Variants in PTPRD observed in about 807,000 individuals in gnomAD.
The protein encoded by PTPRD is receptor-type tyrosine-protein phosphatase delta.
PTPRD carries 34 observed loss-of-function variants against 214.5 expected under a neutral mutation model. The ratio of observed to expected loss-of-function variants is 0.16; its 90% confidence interval spans 0.12 to 0.21. The LOEUF (loss-of-function observed/expected upper bound fraction) is 0.21. Among genes scored for constraint, PTPRD ranks in the 10% least tolerant of loss-of-function variants. The probability of loss-of-function intolerance (pLI) is 1.00; values close to 1 mark genes in which losing one functional copy is unlikely to be tolerated. For missense variants in PTPRD, 2,545 were observed against 2,398.7 expected (o/e 1.06, Z -1.27); for synonymous variants, 1,128 against 845.7 (o/e 1.33, Z -5.79).
At chr9:9,718,477 A>G (rs1291984450) in intron 7 of PTPRD, among the ~76,000 whole-genome samples, 1 of 152,114 alleles carries the variant, frequency 6.6e-6, no homozygotes, top group African/African-American at 2.4e-5. Context: ...CGCCCAACTA[A>G]ATAGTGAGGT....
chr9:8,511,924 G>A (rs2097690727), intron 21 of PTPRD, among the ~76,000 whole-genome samples: 1 of 152,006 alleles, frequency 6.6e-6, no homozygotes, highest in African/African-American at 2.4e-5. Context: ...GACAAGGGAT[G>A]AAAAAGACTA....
In PTPRD at chr9:8,639,688, T is replaced by G. The variant is rs560085270; in HGVS notation, c.65-2844A>C. ...GTTGGCAATTCTGACAATCTGCAAC[T>G]AGGCAATGGATGCTTGGGTAAGTGC... On this transcript the variant is annotated intron_variant, in intron 12 of 45. Coordinates refer to ENST00000381196, the MANE Select transcript of PTPRD (RefSeq NM_002839.4). Among the ~76,000 whole-genome samples the G allele has an allele frequency of 1.2e-3, 185 of 152,318 alleles. 2 individuals are homozygous for G. Among genetic ancestry groups the G allele is most frequent in the African/African-American group, 4.3e-3 (179 of 41,566 alleles).
At chr9:9,914,024 G>A (rs185397979) in intron 5 of PTPRD, among the ~76,000 whole-genome samples, 180 of 152,274 alleles carry the variant, frequency 1.2e-3, no homozygotes, top group African/African-American at 3.6e-3. Flanking sequence ...CTGTGATTCT[G>A]GTCCTGTACA....
intron 10 of PTPRD, among the ~76,000 whole-genome samples, chr9:9,042,619 CTT>C (rs869116004): frequency 4.2e-4 from 26 of 62,310 alleles, no homozygotes; most frequent in Middle Eastern, 0.01. Flanking sequence ...TTTTTCTTTT[CTT>C]TTTTTTTTTT....
chr9:8,442,515 T>C lies in PTPRD; in HGVS notation c.3989-5826A>G, dbSNP rs185231835. 1.7e-3 allele frequency among the ~76,000 whole-genome samples: 258 copies of C among 152,280 alleles called. 4 individuals carry two copies. Among genetic ancestry groups the C allele is most frequent in the African/African-American group, 5.9e-3 (246 of 41,552 alleles). On this transcript the variant is annotated intron_variant, in intron 34 of 45. Transcript: ENST00000381196. ...ACAGTCTCTTCATGATTTTCCTTAC[T>C]GATAAATTGTGATAAAGGCTGGAGA...
intron 4 of PTPRD, among the ~76,000 whole-genome samples, chr9:9,948,286 C>G (rs190029004): frequency 4.3e-4 from 65 of 152,116 alleles, no homozygotes; most frequent in African/African-American, 1.4e-3. Flanking sequence ...TTCACTGTAT[C>G]TCAATTTTTA....
intron 11 of PTPRD, among the ~76,000 whole-genome samples, chr9:8,743,457 C>A (rs920629370): frequency 6.6e-6 from 1 of 152,156 alleles, no homozygotes; most frequent in Non-Finnish European, 1.5e-5. Flanking sequence ...GAAAGAAATA[C>A]TCAGTTTCAA....
At chr9:9,260,569 T>A (rs147623503) in intron 9 of PTPRD, among the ~76,000 whole-genome samples, 1 of 151,960 alleles carries the variant, frequency 6.6e-6, no homozygotes, top group Non-Finnish European at 1.5e-5. Flanking sequence ...ATTTTCTCAT[T>A]TTCTAATTTG....
chr9:8,387,643 C>T (rs982178106), intron 37 of PTPRD, among the ~76,000 whole-genome samples: 10 of 152,142 alleles, frequency 6.6e-5, no homozygotes, highest in African/African-American at 1.2e-4. Flanking sequence ...TGGTGAAGCA[C>T]GTGTGTTCTG....
At chr9:9,422,717 T>TA in intron 8 of PTPRD, among the ~76,000 whole-genome samples, 1 of 152,130 alleles carries the variant, frequency 6.6e-6, no homozygotes, top group Admixed American at 6.6e-5. Context: ...TGTATATCTA[T>TA]TAAGATAGCT....
chr9:9,000,128 AGTT>A (rs1211777382), intron 11 of PTPRD, among the ~76,000 whole-genome samples: 3 of 152,056 alleles, frequency 2.0e-5, no homozygotes, highest in Non-Finnish European at 4.4e-5. Context: ...TGTCTAACAA[AGTT>A]GAAAGTATAG....
chr9:9,053,476 G>A (rs960926977), intron 10 of PTPRD, among the ~76,000 whole-genome samples: 1 of 152,054 alleles, frequency 6.6e-6, no homozygotes, highest in South Asian at 2.1e-4. Flanking sequence ...TTGAAGAGCT[G>A]ATGTATTTTG....
chr9:10,277,651 T>C (rs1182532379), intron 3 of PTPRD, among the ~76,000 whole-genome samples: 1 of 152,236 alleles, frequency 6.6e-6, no homozygotes, highest in Non-Finnish European at 1.5e-5. Flanking sequence ...TAACTACTGC[T>C]ATCTGAGTTC....
intron 8 of PTPRD, among the ~76,000 whole-genome samples, chr9:9,562,345 G>A (rs1291361029): frequency 6.6e-6 from 1 of 152,060 alleles, no homozygotes; most frequent in Non-Finnish European, 1.5e-5. Flanking sequence ...TCTGGATGAA[G>A]CCCCTATTAT....
intron 11 of PTPRD, among the ~76,000 whole-genome samples, chr9:9,012,777 A>G (rs1367020409): frequency 6.6e-6 from 1 of 152,140 alleles, no homozygotes; most frequent in Non-Finnish European, 1.5e-5. Flanking sequence ...CTGCCATATG[A>G]GGGTGTATAT....
At chr9:8,438,886 T>C (rs969017347) in intron 34 of PTPRD, 5 of 152,030 alleles carry the variant, frequency 3.3e-5, no homozygotes, top group African/African-American at 7.2e-5. Context: ...AAGACCATAA[T>C]AATAACCAAA....
intron 11 of PTPRD, among the ~76,000 whole-genome samples, chr9:8,815,908 G>C (rs1421884368): frequency 6.6e-6 from 1 of 152,186 alleles, no homozygotes; most frequent in Non-Finnish European, 1.5e-5. Context: ...CCATTAGCCT[G>C]CTTTAACCAC....
intron 10 of PTPRD, among the ~76,000 whole-genome samples, chr9:9,036,094 A>T (rs938427757): frequency 6.6e-6 from 1 of 152,050 alleles, no homozygotes; most frequent in Non-Finnish European, 1.5e-5. Flanking sequence ...TGACTGACTC[A>T]CTAATAAAGA....
intron 10 of PTPRD, among the ~76,000 whole-genome samples, chr9:9,128,649 G>A (rs1300679773): frequency 6.6e-6 from 1 of 152,164 alleles, no homozygotes; most frequent in African/African-American, 2.4e-5. Flanking sequence ...GACTTTTTGA[G>A]TGTTCATGTA....
Sources: gnomAD v4.1 joint callset for allele counts (sites outside exome capture counted in the v4.1 genomes callset) on GRCh38, gnomAD v4.1.1 for gene constraint, MANE v1.5 for transcripts, NCBI Gene and HGNC (gene_info 2026-07-23, HGNC 2026-07-21) for gene names.